Variants in RYR2 observed in about 807,000 individuals in gnomAD.
RYR2 encodes the protein ryanodine receptor 2.
A neutral mutation model predicts 601.1 loss-of-function variants in RYR2; 227 were observed. The ratio of observed to expected loss-of-function variants is 0.38; its 90% CI spans 0.34 to 0.42. The LOEUF is 0.42. Ranked by LOEUF, RYR2 falls within the 10% of genes least tolerant of loss-of-function variation. The pLI is 1.00. For missense variants in RYR2, 4,646 were observed against 6,156.5 expected, an observed-to-expected ratio of 0.75 and a Z score of 8.21; for synonymous variants, 2,223 against 2,175.1, an observed-to-expected ratio of 1.02 and a Z score of -0.61.
intron 74 of RYR2, among the ~76,000 whole-genome samples, chr1:237,723,652 G>A (rs1177982190): frequency 3.3e-5 from 5 of 151,642 alleles, no homozygotes; most frequent in Non-Finnish European, 5.9e-5. Context: ...ATCTTTTACC[G>A]GTTTAATATT....
At chr1:237,143,179 A>G (rs1673578413) in intron 1 of RYR2, among the ~76,000 whole-genome samples, 1 of 152,202 alleles carries the variant, frequency 6.6e-6, no homozygotes, top group Non-Finnish European at 1.5e-5. Flanking sequence ...AGAAATGTAA[A>G]TCAATGTGAA....
chr1:237,670,295 GGGGAGAGGGAGACTGGAGAGGGAGA>G (rs1313740701), intron 58 of RYR2, among the ~76,000 whole-genome samples: 1 of 147,036 alleles, frequency 6.8e-6, no homozygotes, highest in African/African-American at 2.5e-5. Context: ...GGGAGACTGT[GGGGAGAGGGAGACTGGAGAGGGAGA>G]GGGAGAGGGA....
At chr1:237,478,074 T>C (rs758019586) in intron 17 of RYR2, among the ~76,000 whole-genome samples, 42 of 151,876 alleles carry the variant, frequency 2.8e-4, no homozygotes, top group Non-Finnish European at 5.4e-4. Context: ...AATGTCCTAA[T>C]TGTGGGCAAT....
chr1:237,395,915 T>G (rs1056879830), intron 10 of RYR2, among the ~76,000 whole-genome samples: 4 of 152,218 alleles, frequency 2.6e-5, no homozygotes, highest in African/African-American at 9.7e-5. Flanking sequence ...CACGTGTTGG[T>G]CTGCATATTC....
intron 1 of RYR2, among the ~76,000 whole-genome samples, chr1:237,067,973 C>T (rs919966164): frequency 9.2e-5 from 14 of 151,888 alleles, no homozygotes; most frequent in Admixed American, 9.2e-4. Flanking sequence ...TTAATCATGC[C>T]CTACACTTAA....
chr1:237,281,283 C>T (rs7520389), intron 2 of RYR2, among the ~76,000 whole-genome samples: 132,188 of 152,224 alleles, frequency 0.87, 57,550 homozygotes, highest in East Asian at 1. Context: ...TGATGCCTTA[C>T]GCCTTATGAT....
At chr1:237,477,532 G>C (rs924158277) in intron 17 of RYR2, among the ~76,000 whole-genome samples, 3 of 152,232 alleles carry the variant, frequency 2.0e-5, no homozygotes, top group African/African-American at 7.2e-5. Context: ...TTTAGGCACT[G>C]TTACTGACAG....
intron 61 of RYR2, among the ~76,000 whole-genome samples, chr1:237,678,839 T>C (rs1416763445): frequency 4.6e-5 from 7 of 152,236 alleles, no homozygotes; most frequent in Non-Finnish European, 1.0e-4. Context: ...TAGGACACCT[T>C]GCAGTGAGCC....
At chr1:237,192,758 T>A (rs1393209164) in intron 1 of RYR2, among the ~76,000 whole-genome samples, 1 of 152,224 alleles carries the variant, frequency 6.6e-6, no homozygotes, top group African/African-American at 2.4e-5. Context: ...AAGTATAGCT[T>A]ACTAAGAGCC....
chr1:237,811,766 A>T (rs1483362153), intron 100 of RYR2, among the ~76,000 whole-genome samples: 2 of 152,158 alleles, frequency 1.3e-5, no homozygotes, highest in Non-Finnish European at 2.9e-5. Flanking sequence ...CATATTGTTC[A>T]TGTGAAAATC....
chr1:237,335,134 C>T (rs1309042686), intron 3 of RYR2, among the ~76,000 whole-genome samples: 1 of 152,148 alleles, frequency 6.6e-6, no homozygotes, highest in Non-Finnish European at 1.5e-5. Context: ...TCTCATCAAT[C>T]CTGGCACATG....
Position 237,590,892 on chromosome 1 carries a change from C to T in RYR2, c.4060C>T (p.Leu1354=). 1 of 1,613,876 alleles carries T rather than the reference C, an allele frequency of 6.2e-7. No homozygotes were observed. The highest frequency in any genetic ancestry group is 1.7e-5 in the Admixed American group (1 of 60,004). Reference sequence around the variant, plus strand: ...TCTGATGAAGACAGCTCATGGCCATCTAGTGCCCGATCGTGTTGACAAAGA... The same window carrying T: ...TCTGATGAAGACAGCTCATGGCCATTTAGTGCCCGATCGTGTTGACAAAGA... ...EVLMKTAHGH[L]VPDRVDKDKE... Residue 1354 remains leucine (L), a synonymous_variant, in exon 31 of 105, where the codon CTA becomes TTA. Transcript: ENST00000366574.
intron 1 of RYR2, among the ~76,000 whole-genome samples, chr1:237,241,038 A>G (rs1239434873): frequency 6.6e-6 from 1 of 152,230 alleles, no homozygotes; most frequent in Non-Finnish European, 1.5e-5. Context: ...TGTAATTGTT[A>G]GATTCAAGGA....
At chr1:237,421,964 G>C (rs1267457806) in intron 11 of RYR2, among the ~76,000 whole-genome samples, 2 of 151,868 alleles carry the variant, frequency 1.3e-5, no homozygotes, top group African/African-American at 4.8e-5. Flanking sequence ...AGGTTTATTT[G>C]CTTGTTGAAT....
intron 29 of RYR2, among the ~76,000 whole-genome samples, chr1:237,574,446 G>T (rs190171785): frequency 6.6e-6 from 1 of 152,280 alleles, no homozygotes. Flanking sequence ...CCTCTTGAGT[G>T]TCAGCAGAAC....
intron 10 of RYR2, among the ~76,000 whole-genome samples, chr1:237,412,641 C>G (rs1311555980): frequency 6.6e-6 from 1 of 152,236 alleles, no homozygotes. Flanking sequence ...AAAATAGTCT[C>G]CAGTTAACAA....
intron 10 of RYR2, among the ~76,000 whole-genome samples, chr1:237,388,940 A>T (rs1176954645): frequency 2.6e-5 from 4 of 152,074 alleles, no homozygotes; most frequent in Non-Finnish European, 2.9e-5. Flanking sequence ...GTTAATAATT[A>T]TTTATTTTTA....
At chr1:237,270,315 A>G in intron 1 of RYR2, 182 bp from the exon 2 acceptor site, 1 of 885,696 alleles carries the variant, frequency 1.1e-6, no homozygotes, top group Non-Finnish European at 1.8e-6. Context: ...CTTTTTGCAA[A>G]TAAAAAGTAC....
In RYR2 at chr1:237,275,805, C is replaced by T. The variant is rs190707980; in HGVS notation, c.168+5189C>T. Among the ~76,000 whole-genome samples, 837 of 152,178 alleles carry T rather than the reference C, an allele frequency of 5.5e-3. 2 individuals carry two copies. Among genetic ancestry groups the T allele is most frequent in the Middle Eastern group, 0.051 (15 of 294 alleles). On this transcript the variant is annotated intron_variant, in intron 2 of 104. Transcript: ENST00000366574. The stretch of plus-strand genomic sequence containing the variant: ...ATATTTTAGGCCACAAAGAAAACTT[C>T]AGTAAGTTCCAAAGAATAGGAATAA...
Sources: allele counts gnomAD v4.1 joint callset (sites outside exome capture counted in the v4.1 genomes callset), GRCh38; gene constraint gnomAD v4.1.1; transcripts MANE v1.5; gene names NCBI Gene and HGNC (gene_info 2026-07-23, HGNC 2026-07-21).